XRRA1: variants seen among roughly 807,000 people sequenced by gnomAD.
The protein encoded by XRRA1 is X-ray radiation resistance associated 1.
XRRA1 carries 69 observed loss-of-function variants against 80.2 expected under a neutral mutation model. That is an observed-to-expected ratio of 0.86 (90% CI 0.71 to 1.05). The LOEUF is 1.05. Ranked by LOEUF, XRRA1 falls within the 50% of genes least tolerant of loss-of-function variation. The pLI, the probability that XRRA1 is intolerant of heterozygous loss-of-function variation, is 0.00. For missense variants in XRRA1, 967 were observed against 976.4 expected (o/e 0.99, Z 0.13); for synonymous variants, 348 against 389.9 (o/e 0.89, Z 1.27).
intron 12 of XRRA1, among the ~76,000 whole-genome samples, chr11:74,853,989 G>T (rs987916475): frequency 6.6e-6 from 1 of 152,100 alleles, no homozygotes; most frequent in Non-Finnish European, 1.5e-5. Flanking sequence ...GTAGATACTG[G>T]GGGGGCGGAG....
intron 8 of XRRA1, among the ~76,000 whole-genome samples, chr11:74,914,409 C>G (rs974613033): frequency 6.6e-6 from 1 of 152,230 alleles, no homozygotes; most frequent in African/African-American, 2.4e-5. Flanking sequence ...CAACAGGTCC[C>G]AACTGTAATG....
intron 13 of XRRA1, among the ~76,000 whole-genome samples, chr11:74,851,594 G>A (rs1393839854): frequency 1.3e-5 from 2 of 152,192 alleles, no homozygotes; most frequent in African/African-American, 4.8e-5. Context: ...AGTTGGGGCT[G>A]CACCCCTCTG....
At chr11:74,891,533 A>G (rs1044073882) in intron 10 of XRRA1, among the ~76,000 whole-genome samples, 10 of 152,184 alleles carry the variant, frequency 6.6e-5, no homozygotes, top group Admixed American at 6.5e-4. Context: ...TATTCAACAT[A>G]GTGTTGGAAG....
In XRRA1 at chr11:74,843,924, A is replaced by C. The variant is rs1420522708; in HGVS notation, c.2079T>G (p.Thr693=). ...QRIPIPPPKK[T]RAQLLDDIFI... ...AGATGTCATCCAGAAGTTGGGCTCT[A>C]GTCTTCTTTGGGGGTGGAATCGGGA... is the stretch of plus-strand genomic sequence containing the variant. The change falls in exon 18 of 19, where the codon ACT becomes ACG. Residue 693 remains threonine (T), a synonymous_variant. Transcript: ENST00000684022. The C allele has an allele frequency of 6.2e-7, 1 of 1,613,714 alleles. No homozygotes were observed. The highest frequency in any genetic ancestry group is 1.1e-5 in the South Asian group (1 of 90,968).
In XRRA1 at chr11:74,859,540, C is replaced by A. The variant is rs55987362; in HGVS notation, c.1045-257G>T. ...AGTTCCATTTTCAAGTTTTCTGAGG[C>A]CACAGGATAATATAGCACTGGTGCA... On this transcript the variant is annotated intron_variant, in intron 11 of 18. Coordinates refer to ENST00000684022, the MANE Select transcript of XRRA1 (RefSeq NM_001378157.1). Among the ~76,000 whole-genome samples the A allele has an allele frequency of 0.015, 2,243 of 152,186 alleles. 25 individuals are homozygous for A. Among genetic ancestry groups the A allele is most frequent in the Non-Finnish European group, 0.022 (1,489 of 68,000 alleles).
intron 10 of XRRA1, among the ~76,000 whole-genome samples, chr11:74,872,047 G>C (rs2044910084): frequency 6.6e-6 from 1 of 152,172 alleles, no homozygotes; most frequent in Admixed American, 6.5e-5. Flanking sequence ...ATTCCCAGTA[G>C]AGAAGAGAGG....
chr11:74,851,282 A>C, intron 13 of XRRA1, 79 bp from the exon 14 acceptor site: 1 of 1,093,384 alleles, frequency 9.1e-7, no homozygotes. Flanking sequence ...GCACTATTCA[A>C]ATTGCTTTAC....
intron 3 of XRRA1, among the ~76,000 whole-genome samples, chr11:74,939,357 A>C (rs533626043): frequency 6.6e-6 from 1 of 152,188 alleles, no homozygotes; most frequent in Non-Finnish European, 1.5e-5. Flanking sequence ...ATCTCAAAAA[A>C]AGAAAAGAAA....
At position 74,845,217 on chromosome 11, in the gene XRRA1, T is replaced by A. The variant is rs748275304; in HGVS notation, c.1783A>T (p.Lys595Ter). The A allele has an allele frequency of 1.7e-5, 27 of 1,614,014 alleles. 1 individual carries two copies. The South Asian group carries it at 2.9e-4, about 17-fold the overall frequency. ...IHKDDLELKE[K>*]DQKKPPTAPR... Reference sequence around the variant, plus strand: ...GCCGTTGGTGGTTTCTTTTGGTCTTTCTCCTTTAACTCTAAATCATCCTTA... The same window carrying A: ...GCCGTTGGTGGTTTCTTTTGGTCTTACTCCTTTAACTCTAAATCATCCTTA... Residue 595 changes from lysine to a stop codon, truncating the protein, a stop_gained, in exon 16 of 19, where the codon AAA (lysine) becomes TAA (stop). Transcript: ENST00000684022. LOFTEE classifies it high-confidence loss of function.
In XRRA1 at chr11:74,869,684, C is replaced by T. The variant is rs1029819225; in HGVS notation, c.1004-6663G>A. Among the ~76,000 whole-genome samples, 3 of 152,118 alleles carry T rather than the reference C, an allele frequency of 2.0e-5. No individual in the cohort carries two copies. The South Asian group carries it at 6.2e-4, about 32-fold the overall frequency. ...ATTTTTTTGTGCCCTATGCAAATGA[C>T]AAACCTAGTTCTAATGAGTTTTTCA... On this transcript the variant is annotated intron_variant, in intron 10 of 18. Coordinates refer to ENST00000684022, the MANE Select transcript of XRRA1 (RefSeq NM_001378157.1).
chr11:74,949,004 GC>G lies in XRRA1; in HGVS notation c.-150del. 3.2e-6 allele frequency: 1 copy of G among 311,484 alleles called. No individual in the cohort carries two copies. 19.3% of individuals were successfully genotyped at this position (311,484 alleles called of 1,614,324 possible). ...AGTCAGGAGGGATGCGCGCCTGCGA[GC>G]CCCCCGGGGATCTCGGAGCCGCTCC... On this transcript the variant is annotated 5_prime_UTR_variant, in exon 1 of 19. Transcript: ENST00000684022.
chr11:74,891,939 T>A (rs1021466814), intron 10 of XRRA1, among the ~76,000 whole-genome samples: 1 of 152,192 alleles, frequency 6.6e-6, no homozygotes, highest in African/African-American at 2.4e-5. Flanking sequence ...TCCATGCTCA[T>A]GGATAGGAAG....
chr11:74,881,715 T>A (rs2047638672), intron 10 of XRRA1, among the ~76,000 whole-genome samples: 1 of 152,124 alleles, frequency 6.6e-6, no homozygotes, highest in African/African-American at 2.4e-5. Context: ...GGTGACAAAA[T>A]CTCTCAGCAT....
At chr11:74,893,528 A>G (rs1179532731) in intron 10 of XRRA1, among the ~76,000 whole-genome samples, 1 of 152,118 alleles carries the variant, frequency 6.6e-6, no homozygotes. Flanking sequence ...CGTTGTGCAC[A>G]TGTACCCTAA....
At position 74,890,548 on chromosome 11, in the gene XRRA1, G is replaced by C. The variant is rs554053951; in HGVS notation, c.1003+15691C>G. Among the ~76,000 whole-genome samples, 726 of 152,154 alleles carry C rather than the reference G, an allele frequency of 4.8e-3. 6 individuals are homozygous for C. Among genetic ancestry groups the C allele is most frequent in the African/African-American group, 0.016 (674 of 41,502 alleles). On this transcript the variant is annotated intron_variant, in intron 10 of 18. Coordinates refer to ENST00000684022, the MANE Select transcript of XRRA1 (RefSeq NM_001378157.1). The stretch of plus-strand genomic sequence containing the variant: ...CTAGCAGAAGGCAAGAAATAACTAA[G>C]ATCAGAGCAGAACTGAAGGAAATAG...
intron 10 of XRRA1, among the ~76,000 whole-genome samples, chr11:74,883,818 G>C (rs1286408453): frequency 2.0e-5 from 3 of 152,198 alleles, no homozygotes; most frequent in African/African-American, 4.8e-5. Context: ...ATGATACAGG[G>C]GGTAGAAAGA....
At chr11:74,894,897 A>G (rs1221257609) in intron 10 of XRRA1, among the ~76,000 whole-genome samples, 1 of 152,246 alleles carries the variant, frequency 6.6e-6, no homozygotes, top group Non-Finnish European at 1.5e-5. Context: ...AATTCATAGA[A>G]GTAGAAAACC....
chr11:74,941,751 G>T (rs1591644698), intron 2 of XRRA1, among the ~76,000 whole-genome samples: 1 of 152,120 alleles, frequency 6.6e-6, no homozygotes, highest in East Asian at 1.9e-4. Flanking sequence ...TTGCAGTTAG[G>T]GGAGTATTGC....
chr11:74,889,409 A>T (rs2050022071), intron 10 of XRRA1, among the ~76,000 whole-genome samples: 1 of 152,226 alleles, frequency 6.6e-6, no homozygotes, highest in Non-Finnish European at 1.5e-5. Context: ...GGAAGCACTA[A>T]ACATGGAAAG....
Sources: gnomAD v4.1 joint callset for allele counts (sites outside exome capture counted in the v4.1 genomes callset) on GRCh38, gnomAD v4.1.1 for gene constraint, MANE v1.5 for transcripts, NCBI Gene and HGNC (gene_info 2026-07-23, HGNC 2026-07-21) for gene names.